LARGE1: variants seen among roughly 807,000 people sequenced by gnomAD.
The protein encoded by LARGE1 is xylosyl- and glucuronyltransferase LARGE1.
LARGE1 carries 43 observed loss-of-function variants against 87.6 expected under a neutral mutation model. The ratio of observed to expected loss-of-function variants is 0.49; its 90% CI spans 0.38 to 0.63. The LOEUF (loss-of-function observed/expected upper bound fraction) is 0.63, where lower values mean the gene tolerates loss of function less well. LARGE1 is among the 30% of genes least tolerant of loss of function. The pLI is 0.00. For synonymous variants in LARGE1, 434 were observed against 394.6 expected (o/e 1.10, Z -1.18); for missense variants, 802 against 1,000.2 (o/e 0.80, Z 2.67).
intron 1 of LARGE1, among the ~76,000 whole-genome samples, chr22:33,893,878 G>A (rs1857772936): frequency 6.6e-6 from 1 of 152,176 alleles, no homozygotes; most frequent in Non-Finnish European, 1.5e-5. Flanking sequence ...AAGGCCCGCT[G>A]AACGTCACAA....
intron 5 of LARGE1, among the ~76,000 whole-genome samples, chr22:33,582,767 GT>G (rs2078558967): frequency 6.6e-6 from 1 of 152,206 alleles, no homozygotes; most frequent in Admixed American, 6.5e-5. Context: ...TTCCACCAAA[GT>G]TCAGACTCTT....
At chr22:33,604,034 G>C (rs1216537459) in intron 5 of LARGE1, among the ~76,000 whole-genome samples, 2 of 152,132 alleles carry the variant, frequency 1.3e-5, no homozygotes, top group East Asian at 3.9e-4. Flanking sequence ...AGAGATGCGT[G>C]GTTTACTTTG....
intron 1 of LARGE1, among the ~76,000 whole-genome samples, chr22:33,789,754 G>C (rs2085763653): frequency 6.6e-6 from 1 of 152,206 alleles, no homozygotes; most frequent in Non-Finnish European, 1.5e-5. Context: ...CACAGGGCCT[G>C]TAGTTCCTTC....
chr22:33,582,274 C>G (rs922989497), intron 5 of LARGE1, among the ~76,000 whole-genome samples: 6 of 152,100 alleles, frequency 3.9e-5, no homozygotes, highest in African/African-American at 1.4e-4. Context: ...GAAGTACCAG[C>G]TGAAACTCAG....
At chr22:33,908,298 G>GA (rs1305022337) in intron 1 of LARGE1, among the ~76,000 whole-genome samples, 13 of 152,276 alleles carry the variant, frequency 8.5e-5, no homozygotes, top group Non-Finnish European at 2.9e-5. Context: ...TTACGGCGCA[G>GA]AAAGTGCAGC....
At chr22:33,729,989 T>TG (rs1258321742) in intron 2 of LARGE1, among the ~76,000 whole-genome samples, 1 of 151,904 alleles carries the variant, frequency 6.6e-6, no homozygotes. Flanking sequence ...TGCATGCGTG[T>TG]GTGTGTGCGT....
At chr22:33,345,192 T>C (rs1939615192) in intron 9 of LARGE1, among the ~76,000 whole-genome samples, 1 of 152,156 alleles carries the variant, frequency 6.6e-6, no homozygotes, top group Non-Finnish European at 1.5e-5. Context: ...TACACAACTC[T>C]ATGAGACAAG....
At chr22:33,915,042 C>CACACACAGAGAG (rs144076486) in intron 1 of LARGE1, among the ~76,000 whole-genome samples, 285 of 137,094 alleles carry the variant, frequency 2.1e-3, no homozygotes, top group East Asian at 7.5e-3. Context: ...CACACACACA[C>CACACACAGAGAG]AGAGAGAGAG....
intron 1 of LARGE1, among the ~76,000 whole-genome samples, chr22:33,787,008 G>C (rs1021705360): frequency 2.1e-5 from 3 of 144,010 alleles, no homozygotes; most frequent in African/African-American, 7.8e-5. Context: ...GTGACAGAGT[G>C]AGACTCCATT....
At chr22:33,189,149 G>A (rs1602065973) in intron 11 of LARGE1, among the ~76,000 whole-genome samples, 1 of 152,244 alleles carries the variant, frequency 6.6e-6, no homozygotes, top group Non-Finnish European at 1.5e-5. Flanking sequence ...GAAAGAGTGG[G>A]AATATTAACC....
intron 1 of LARGE1, among the ~76,000 whole-genome samples, chr22:33,845,659 A>T (rs2063408677): frequency 6.6e-6 from 1 of 152,190 alleles, no homozygotes; most frequent in South Asian, 2.1e-4. Context: ...GAAATAGACT[A>T]AATCATTATT....
intron 6 of LARGE1, among the ~76,000 whole-genome samples, chr22:33,556,699 G>T (rs1390713706): frequency 1.3e-5 from 2 of 148,730 alleles, no homozygotes; most frequent in African/African-American, 5.1e-5. Context: ...GAAATTTCAG[G>T]CTGAAGAACA....
At chr22:33,257,988 T>C (rs911848930) in intron 11 of LARGE1, among the ~76,000 whole-genome samples, 4 of 149,994 alleles carry the variant, frequency 2.7e-5, no homozygotes, top group African/African-American at 9.8e-5. Flanking sequence ...TGTGAGAGCA[T>C]AGGTTGGGGG....
chr22:33,599,753 T>A (rs1310679969), intron 5 of LARGE1, among the ~76,000 whole-genome samples: 2 of 152,066 alleles, frequency 1.3e-5, no homozygotes, highest in Non-Finnish European at 2.9e-5. Flanking sequence ...CTGTACAAAG[T>A]GATTTCTTGG....
At chr22:33,461,790 A>G (rs2068394161) in intron 6 of LARGE1, among the ~76,000 whole-genome samples, 1 of 152,070 alleles carries the variant, frequency 6.6e-6, no homozygotes. Flanking sequence ...GGAGAAGCCA[A>G]TCTCCATGTT....
chr22:33,798,627 G>A (rs1233093780), intron 1 of LARGE1, among the ~76,000 whole-genome samples: 1 of 152,048 alleles, frequency 6.6e-6, no homozygotes, highest in Admixed American at 6.5e-5. Context: ...TCCAAACCCC[G>A]GACATAGGAC....
the LARGE1 span, among the ~76,000 whole-genome samples, chr22:33,153,399 CT>C: frequency 6.6e-6 from 1 of 152,102 alleles, no homozygotes; most frequent in Non-Finnish European, 1.5e-5. Context: ...CATCTTTTTA[CT>C]GTATGTTCAA....
intron 7 of LARGE1, among the ~76,000 whole-genome samples, chr22:33,427,962 A>G (rs141269182): frequency 6.6e-6 from 1 of 152,376 alleles, no homozygotes; most frequent in East Asian, 1.9e-4. Flanking sequence ...GGAAGCTGAT[A>G]TGCGAACTAA....
At chr22:33,293,741 A>C (rs1932896924) in intron 12 of LARGE1, among the ~76,000 whole-genome samples, 1 of 152,206 alleles carries the variant, frequency 6.6e-6, no homozygotes, top group Admixed American at 6.5e-5. Context: ...CAGAAAACAA[A>C]GAGTATTATG....
Sources: allele counts gnomAD v4.1 joint callset (sites outside exome capture counted in the v4.1 genomes callset), GRCh38; gene constraint gnomAD v4.1.1; transcripts MANE v1.5; gene names NCBI Gene and HGNC (gene_info 2026-07-23, HGNC 2026-07-21).